The following TBC1D19 variants were observed in gnomAD, a reference collection of about 807,000 sequenced individuals.
TBC1D19 encodes TBC1 domain family member 19.
A neutral mutation model predicts 89.0 loss-of-function variants in TBC1D19; 60 were observed. That is an observed-to-expected ratio of 0.67 (90% CI 0.55 to 0.84). The LOEUF (loss-of-function observed/expected upper bound fraction) is 0.84. TBC1D19 is among the 40% of genes least tolerant of loss of function. The pLI is 0.00. For synonymous variants in TBC1D19, 189 were observed against 199.7 expected (o/e 0.95, Z 0.45); for missense variants, 500 against 610.8 (o/e 0.82, Z 1.91).
Position 26,735,746 on chromosome 4 carries a change from G to C in TBC1D19, c.1117+259G>C, listed in dbSNP as rs180747796. On this transcript the variant is annotated intron_variant, in intron 16 of 20. Coordinates refer to ENST00000264866, the MANE Select transcript of TBC1D19 (RefSeq NM_018317.4). ...CAAGTTATTATGAACGTTTTAAAAT[G>C]TTGAGTTTAATAGTCCAGGCGTGGT... is the stretch of plus-strand genomic sequence containing the variant. Among the ~76,000 whole-genome samples, 6 of 152,222 alleles carry C rather than the reference G, an allele frequency of 3.9e-5. No individual in the cohort carries two copies. In the East Asian group the frequency reaches 1.2e-3, roughly 29 times the overall value.
chr4:26,728,796 G>T (rs1306096114), intron 15 of TBC1D19, among the ~76,000 whole-genome samples: 1 of 151,854 alleles, frequency 6.6e-6, no homozygotes, highest in Non-Finnish European at 1.5e-5. Context: ...GGCGGATCAC[G>T]AGGTCAGGAG....
chr4:26,666,550 T>C, intron 9 of TBC1D19, 145 bp downstream of exon 9: 2 of 575,652 alleles, frequency 3.5e-6, no homozygotes, highest in Non-Finnish European at 5.9e-6. Context: ...TGTTATTTAT[T>C]GAATAGAATC....
chr4:26,823,334 G>A, the TBC1D19 span, among the ~76,000 whole-genome samples: 6 of 152,180 alleles, frequency 3.9e-5, no homozygotes, highest in Admixed American at 2.6e-4. Flanking sequence ...ATTTGGGTGG[G>A]GATGCAGCCA....
At chr4:26,856,239 C>T in the TBC1D19 span, among the ~76,000 whole-genome samples, 24 of 152,286 alleles carry the variant, frequency 1.6e-4, no homozygotes, top group Non-Finnish European at 2.5e-4. Context: ...TGTTTTTCTA[C>T]GCCTGGCTTA....
chr4:26,628,095 C>T (rs867787224), intron 4 of TBC1D19, among the ~76,000 whole-genome samples: 3 of 152,192 alleles, frequency 2.0e-5, no homozygotes, highest in South Asian at 2.1e-4. Context: ...AGTTTCAGCT[C>T]TCTACATATG....
At chr4:26,655,749 G>T (rs1224083884) in intron 7 of TBC1D19, among the ~76,000 whole-genome samples, 2 of 152,222 alleles carry the variant, frequency 1.3e-5, no homozygotes, top group Non-Finnish European at 2.9e-5. Context: ...GGAGTGACCT[G>T]ATTTTCCTGG....
At chr4:26,644,977 CGTG>C (rs1267696963) in intron 7 of TBC1D19, among the ~76,000 whole-genome samples, 1 of 150,464 alleles carries the variant, frequency 6.6e-6, no homozygotes, top group African/African-American at 2.5e-5. Context: ...GAATCAAAAT[CGTG>C]AAAATGGCCA....
At chr4:26,578,601 G>A (rs138684218) in intron 1 of TBC1D19, among the ~76,000 whole-genome samples, 28 of 152,000 alleles carry the variant, frequency 1.8e-4, no homozygotes, top group Non-Finnish European at 3.8e-4. Context: ...GAGAGAGCAC[G>A]TGCAATTATG....
At chr4:26,837,111 A>G in the TBC1D19 span, among the ~76,000 whole-genome samples, 1 of 152,170 alleles carries the variant, frequency 6.6e-6, no homozygotes, top group Non-Finnish European at 1.5e-5. Flanking sequence ...GAGAGTGAAA[A>G]TCAACCTATT....
chr4:26,698,211 A>G (rs573021033), intron 13 of TBC1D19, among the ~76,000 whole-genome samples: 2 of 152,368 alleles, frequency 1.3e-5, no homozygotes, highest in Admixed American at 6.5e-5. Context: ...ATTCTTATTC[A>G]TCAATAGCAG....
chr4:26,592,571 T>C (rs1268155545), intron 1 of TBC1D19, among the ~76,000 whole-genome samples: 6 of 152,134 alleles, frequency 3.9e-5, no homozygotes, highest in Admixed American at 3.9e-4. Context: ...GATGACATGA[T>C]TGTATATCTA....
chr4:26,792,860 T>C, the TBC1D19 span, among the ~76,000 whole-genome samples: 3 of 152,214 alleles, frequency 2.0e-5, no homozygotes, highest in African/African-American at 7.2e-5. Flanking sequence ...AGCTCCTTCC[T>C]GTCCTCCTTC....
chr4:26,739,982 A>G lies in TBC1D19; in HGVS notation c.1227+9A>G, dbSNP rs751526046. On this transcript the variant is annotated intron_variant, in intron 17 of 20. Transcript: ENST00000264866. ...TCTCTTCTCATCCTTCTGTAAGTTC[A>G]TAAGAAAAACTTGATCAAATTAGGT... The G allele has an allele frequency of 1.3e-6, 2 of 1,529,434 alleles. No homozygotes were observed. Among genetic ancestry groups the G allele is most frequent in the South Asian group, 1.3e-5 (1 of 79,574 alleles). The allele number at this position is 1,529,434 out of a possible 1,614,324, so 94.7% of individuals were successfully genotyped here. A position where few individuals can be genotyped will look rare whatever the true frequency, so the allele number is the denominator to read the frequency against.
At chr4:26,720,330 G>A (rs1001904437) in intron 15 of TBC1D19, among the ~76,000 whole-genome samples, 1 of 152,046 alleles carries the variant, frequency 6.6e-6, no homozygotes, top group Non-Finnish European at 1.5e-5. Flanking sequence ...TTCTCCCTGG[G>A]ACCAACAGTA....
chr4:26,749,480 T>A (rs950299176), intron 19 of TBC1D19, among the ~76,000 whole-genome samples: 1 of 146,150 alleles, frequency 6.8e-6, no homozygotes, highest in African/African-American at 2.5e-5. Context: ...ACACTCTTAC[T>A]CTGTGGCCCA....
chr4:26,752,352 C>A (rs1719013584), intron 19 of TBC1D19, among the ~76,000 whole-genome samples: 1 of 151,134 alleles, frequency 6.6e-6, no homozygotes, highest in African/African-American at 2.4e-5. Context: ...TCAAGCAATC[C>A]TCTGCGTCAG....
chr4:26,685,674 C>T (rs188016384), intron 12 of TBC1D19, among the ~76,000 whole-genome samples: 48 of 152,324 alleles, frequency 3.2e-4, no homozygotes, highest in Middle Eastern at 3.4e-3. Context: ...TTAGAGGATA[C>T]AGTCCTTTGA....
At chr4:26,631,234 T>G (rs1252143437) in intron 4 of TBC1D19, among the ~76,000 whole-genome samples, 1 of 152,102 alleles carries the variant, frequency 6.6e-6, no homozygotes, top group East Asian at 1.9e-4. Flanking sequence ...TGTTCAAGTT[T>G]AGCCATATCT....
intron 13 of TBC1D19, among the ~76,000 whole-genome samples, chr4:26,707,561 T>G (rs1293606248): frequency 6.6e-6 from 1 of 151,998 alleles, no homozygotes; most frequent in Non-Finnish European, 1.5e-5. Flanking sequence ...ATTTCTCTCA[T>G]TTTTCTATTT....
Sources: allele counts gnomAD v4.1 joint callset (sites outside exome capture counted in the v4.1 genomes callset), GRCh38; gene constraint gnomAD v4.1.1; transcripts MANE v1.5; gene names NCBI Gene and HGNC (gene_info 2026-07-23, HGNC 2026-07-21).